The following DNAI7 variants were observed in gnomAD, a reference collection of about 807,000 sequenced individuals.
The protein encoded by DNAI7 is dynein axonemal intermediate chain 7, also known as cancer susceptibility 1.
DNAI7 carries 78 observed loss-of-function variants against 86.6 expected under a neutral mutation model. The ratio of observed to expected loss-of-function variants is 0.90; its 90% CI spans 0.75 to 1.09. DNAI7 has a LOEUF of 1.09. Ranked by LOEUF, DNAI7 falls within the 50% of genes least tolerant of loss-of-function variation. The probability of loss-of-function intolerance (pLI) is 0.00; values close to 1 mark genes in which losing one functional copy is unlikely to be tolerated. For missense variants in DNAI7, 753 were observed against 810.2 expected, an observed-to-expected ratio of 0.93 and a Z score of 0.86; for synonymous variants, 274 against 273.0, an observed-to-expected ratio of 1.00 and a Z score of -0.04.
At chr12:25,137,856 T>C (rs11047858) in intron 9 of DNAI7, among the ~76,000 whole-genome samples, 27,592 of 152,078 alleles carry the variant, frequency 0.18, 2,634 homozygotes, top group Middle Eastern at 0.24. Flanking sequence ...TTCCTAAATA[T>C]ATATGCACTT....
rs1462865557 is a variant in DNAI7, at chr12:25,153,953, C to T, written c.438+366G>A. ...TGTCTAACAGAGTGTATACCTGGCA[C>T]CTAGTAAACATGAAAAATCATGGGT... On this transcript the variant is annotated intron_variant, in intron 6 of 15. Coordinates refer to ENST00000395987, the MANE Select transcript of DNAI7 (RefSeq NM_018272.5). Among the ~76,000 whole-genome samples, 4 of 152,204 alleles carry T rather than the reference C, an allele frequency of 2.6e-5. No individual in the cohort carries two copies. The South Asian group carries it at 8.3e-4, about 32-fold the overall frequency.
At chr12:25,145,988 C>T (rs181102890) in intron 8 of DNAI7, among the ~76,000 whole-genome samples, 9 of 151,822 alleles carry the variant, frequency 5.9e-5, no homozygotes, top group Admixed American at 1.3e-4. Context: ...TTTGGGAGGC[C>T]GAGATGTGCG....
At chr12:25,112,480 C>A (rs540052422) in intron 13 of DNAI7, among the ~76,000 whole-genome samples, 4 of 140,042 alleles carry the variant, frequency 2.9e-5, no homozygotes, top group Admixed American at 1.5e-4. Flanking sequence ...GATCTTGGCT[C>A]ACTGCAAGCT....
intron 9 of DNAI7, 103 bp downstream of exon 9, chr12:25,144,262 G>A: frequency 1.0e-6 from 1 of 979,182 alleles, no homozygotes; most frequent in East Asian, 2.4e-5. Flanking sequence ...GTGGCTCCCA[G>A]ACAATTTCCA....
At chr12:25,124,145 C>G (rs1283446465) in intron 9 of DNAI7, among the ~76,000 whole-genome samples, 1 of 151,116 alleles carries the variant, frequency 6.6e-6, no homozygotes, top group Non-Finnish European at 1.5e-5. Context: ...ATAGAATAAC[C>G]TTATACCAGA....
intron 2 of DNAI7, among the ~76,000 whole-genome samples, chr12:25,163,120 C>A (rs1051468979): frequency 6.6e-6 from 1 of 152,122 alleles, no homozygotes; most frequent in Non-Finnish European, 1.5e-5. Context: ...AACAAAAATG[C>A]AAGTTTAAAA....
At chr12:25,138,853 G>T (rs535342097) in intron 9 of DNAI7, among the ~76,000 whole-genome samples, 30 of 147,198 alleles carry the variant, frequency 2.0e-4, no homozygotes, top group Non-Finnish European at 3.9e-4. Context: ...AAATAGCTAA[G>T]ATCAGAGCAG....
chr12:25,127,362 A>G (rs1485531173), intron 9 of DNAI7, among the ~76,000 whole-genome samples: 1 of 152,184 alleles, frequency 6.6e-6, no homozygotes, highest in Non-Finnish European at 1.5e-5. Context: ...TCCTATTTTC[A>G]TCATGTTTTA....
At chr12:25,159,977 T>C (rs1387437024) in intron 3 of DNAI7, among the ~76,000 whole-genome samples, 1 of 152,156 alleles carries the variant, frequency 6.6e-6, no homozygotes, top group African/African-American at 2.4e-5. Flanking sequence ...ATTTGGCAAA[T>C]AAATATTATA....
chr12:25,146,321 G>A (rs999610003), intron 8 of DNAI7, among the ~76,000 whole-genome samples: 1 of 151,564 alleles, frequency 6.6e-6, no homozygotes, highest in Admixed American at 6.6e-5. Flanking sequence ...TATTAGCTGG[G>A]CGCAGTGGCT....
chr12:25,185,330 T>A (rs1300652630), intron 2 of DNAI7, among the ~76,000 whole-genome samples: 1 of 152,166 alleles, frequency 6.6e-6, no homozygotes, highest in Non-Finnish European at 1.5e-5. Flanking sequence ...TTAGCAGAAA[T>A]GGCAGTCCCA....
intron 9 of DNAI7, among the ~76,000 whole-genome samples, chr12:25,134,234 G>T (rs917041768): frequency 2.0e-5 from 3 of 151,866 alleles, no homozygotes; most frequent in East Asian, 3.8e-4. Context: ...GAGCCCAAGG[G>T]ATCCTCTTGT....
At position 25,108,519 on chromosome 12, in the gene DNAI7, A is replaced by ATACT. The variant is rs776368164; in HGVS notation, c.*25_*28dup. On this transcript the variant is annotated 3_prime_UTR_variant, in exon 16 of 16. Coordinates refer to ENST00000395987, the MANE Select transcript of DNAI7 (RefSeq NM_018272.5). ...TGTCTTTCACCATGCTTGGTTCTTC[A>ATACT]TACTTACAATACAGTTTGTAAGTGG... 141 of 1,578,156 alleles carry ATACT rather than the reference A, an allele frequency of 8.9e-5. No individual in the cohort carries two copies. Among genetic ancestry groups the ATACT allele is most frequent in the African/African-American group, 5.7e-4 (42 of 74,180 alleles).
At chr12:25,109,616 C>T (rs1949623383) in intron 15 of DNAI7, among the ~76,000 whole-genome samples, 1 of 151,986 alleles carries the variant, frequency 6.6e-6, no homozygotes, top group African/African-American at 2.4e-5. Flanking sequence ...GGCTTGAAGT[C>T]AAGAGCTTGG....
intron 9 of DNAI7, 120 bp downstream of exon 9, chr12:25,144,245 C>G: frequency 1.2e-6 from 1 of 803,748 alleles, no homozygotes; most frequent in Non-Finnish European, 2.0e-6. Context: ...GAGGCACTGG[C>G]AAGAAAGTGG....
At chr12:25,170,797 A>G (rs1340760753) in intron 2 of DNAI7, among the ~76,000 whole-genome samples, 2 of 152,228 alleles carry the variant, frequency 1.3e-5, no homozygotes, top group Non-Finnish European at 2.9e-5. Context: ...ACCAAAGTGG[A>G]ATAAAACTGG....
intron 1 of DNAI7, among the ~76,000 whole-genome samples, chr12:25,194,402 C>G (rs1034736536): frequency 1.3e-5 from 2 of 152,198 alleles, no homozygotes; most frequent in Non-Finnish European, 2.9e-5. Context: ...CCACATTTTT[C>G]CCTTAATTAA....
chr12:25,118,454 G>A (rs1940632451), intron 12 of DNAI7, among the ~76,000 whole-genome samples: 1 of 151,894 alleles, frequency 6.6e-6, no homozygotes, highest in Non-Finnish European at 1.5e-5. Flanking sequence ...GTAGAGATGA[G>A]ATTTCACCAT....
At chr12:25,127,893 C>A (rs10734738) in intron 9 of DNAI7, among the ~76,000 whole-genome samples, 152,087 of 152,356 alleles carry the variant, frequency 1, 75,913 homozygotes, top group Non-Finnish European at 1. Flanking sequence ...CAATGGAAAA[C>A]GCCTAGGTTT....
Sources: gnomAD v4.1 joint callset for allele counts (sites outside exome capture counted in the v4.1 genomes callset) on GRCh38, gnomAD v4.1.1 for gene constraint, MANE v1.5 for transcripts, NCBI Gene and HGNC (gene_info 2026-07-23, HGNC 2026-07-21) for gene names.